The following MSH3 variants were observed in gnomAD, a reference collection of about 807,000 sequenced individuals.
The protein encoded by MSH3 is mutS homolog 3.
MSH3 carries 106 observed loss-of-function variants against 123.3 expected under a neutral mutation model. The observed-to-expected ratio is 0.86, with a 90% CI of 0.73 to 1.01. The LOEUF (loss-of-function observed/expected upper bound fraction) is 1.01. Among genes scored for constraint, MSH3 ranks in the 50% least tolerant of loss-of-function variants. The pLI is 0.00. For missense variants in MSH3, 1,459 were observed against 1,347.6 expected (o/e 1.08, Z -1.29); for synonymous variants, 515 against 481.4 (o/e 1.07, Z -0.91).
intron 12 of MSH3, among the ~76,000 whole-genome samples, chr5:80,751,604 C>T (rs1743841701): frequency 6.6e-6 from 1 of 152,130 alleles, no homozygotes; most frequent in Non-Finnish European, 1.5e-5. Flanking sequence ...TTGATCTCTG[C>T]CTTCATGGTT....
intron 11 of MSH3, among the ~76,000 whole-genome samples, chr5:80,742,003 C>CT (rs565490803): frequency 0.23 from 33,802 of 144,742 alleles, 4,039 homozygotes; most frequent in Non-Finnish European, 0.28. Context: ...TGCAAACTTT[C>CT]TTTTTTTTTT....
intron 20 of MSH3, among the ~76,000 whole-genome samples, chr5:80,842,592 G>T (rs930727139): frequency 6.6e-6 from 1 of 152,154 alleles, no homozygotes; most frequent in South Asian, 2.1e-4. Context: ...GTTGAGCAGC[G>T]GTTTGTAGTT....
intron 20 of MSH3, among the ~76,000 whole-genome samples, chr5:80,834,845 A>ATACC (rs1380740967): frequency 2.6e-5 from 4 of 152,142 alleles, no homozygotes; most frequent in Non-Finnish European, 4.4e-5. Flanking sequence ...AAACCCTATA[A>ATACC]TACCATGAGG....
At chr5:80,736,367 G>A (rs1216060764) in intron 10 of MSH3, among the ~76,000 whole-genome samples, 2 of 151,954 alleles carry the variant, frequency 1.3e-5, no homozygotes, top group Non-Finnish European at 2.9e-5. Context: ...TAAGACAGAA[G>A]TATAAAGAAA....
At chr5:80,662,084 AT>A (rs1404357359) in intron 2 of MSH3, among the ~76,000 whole-genome samples, 1 of 152,192 alleles carries the variant, frequency 6.6e-6, no homozygotes, top group Non-Finnish European at 1.5e-5. Context: ...TACAACATTA[AT>A]CTCATAAGAT....
At chr5:80,804,094 C>T (rs552212050) in intron 19 of MSH3, among the ~76,000 whole-genome samples, 9 of 152,234 alleles carry the variant, frequency 5.9e-5, no homozygotes, top group East Asian at 1.9e-4. Flanking sequence ...CTGTGAAGAA[C>T]GTCATTGGTC....
chr5:80,856,746 T>C (rs1236944942), intron 21 of MSH3, among the ~76,000 whole-genome samples: 2 of 152,226 alleles, frequency 1.3e-5, no homozygotes, highest in Non-Finnish European at 2.9e-5. Flanking sequence ...TTGACTTTTG[T>C]ACATTAACCT....
At chr5:80,799,655 T>C (rs1295174670) in intron 19 of MSH3, among the ~76,000 whole-genome samples, 1 of 152,028 alleles carries the variant, frequency 6.6e-6, no homozygotes, top group Non-Finnish European at 1.5e-5. Context: ...GTGTACTCAA[T>C]GATGAACACA....
At chr5:80,789,766 G>A (rs1005132248) in intron 18 of MSH3, among the ~76,000 whole-genome samples, 2 of 152,174 alleles carry the variant, frequency 1.3e-5, no homozygotes, top group East Asian at 1.9e-4. Context: ...ATTTATTGGT[G>A]TTATGAGTAA....
intron 16 of MSH3, among the ~76,000 whole-genome samples, chr5:80,776,951 A>G (rs1317064163): frequency 1.5e-5 from 2 of 136,240 alleles, no homozygotes; most frequent in African/African-American, 5.2e-5. Context: ...CTTTTTTTTA[A>G]GACAGAGTCT....
At chr5:80,743,344 C>T (rs1038622965) in intron 11 of MSH3, among the ~76,000 whole-genome samples, 1 of 152,110 alleles carries the variant, frequency 6.6e-6, no homozygotes, top group Non-Finnish European at 1.5e-5. Flanking sequence ...CTTCTCTGTG[C>T]TCTCTCCATT....
chr5:80,725,281 G>A (rs1461922302), intron 8 of MSH3, among the ~76,000 whole-genome samples, 172 bp from the exon 9 acceptor site: 3 of 149,070 alleles, frequency 2.0e-5, no homozygotes, highest in African/African-American at 4.9e-5. Flanking sequence ...TTATGAAATA[G>A]AGCATTTTGG....
intron 10 of MSH3, among the ~76,000 whole-genome samples, chr5:80,737,382 G>A (rs1271131845): frequency 6.6e-6 from 1 of 151,872 alleles, no homozygotes; most frequent in East Asian, 1.9e-4. Flanking sequence ...TCTCTGTCCA[G>A]CTTTTGACAA....
intron 8 of MSH3, among the ~76,000 whole-genome samples, chr5:80,723,579 G>C (rs867648950): frequency 6.6e-6 from 1 of 152,002 alleles, no homozygotes; most frequent in Non-Finnish European, 1.5e-5. Flanking sequence ...AATGTAAAAA[G>C]CACATGTATC....
intron 13 of MSH3, 62 bp downstream of exon 13, chr5:80,761,740 TAAAAG>T (rs1744039723): frequency 3.2e-6 from 5 of 1,585,058 alleles, no homozygotes; most frequent in Non-Finnish European, 4.3e-6. Context: ...CACTATATAT[TAAAAG>T]AAAACTTTTG....
intron 8 of MSH3, among the ~76,000 whole-genome samples, chr5:80,694,103 A>G (rs1398755534): frequency 6.6e-6 from 1 of 152,226 alleles, no homozygotes; most frequent in African/African-American, 2.4e-5. Context: ...AGATGGCATT[A>G]GACATCCTGG....
intron 20 of MSH3, among the ~76,000 whole-genome samples, chr5:80,843,730 T>G (rs1023737620): frequency 6.6e-6 from 1 of 152,188 alleles, no homozygotes; most frequent in Non-Finnish European, 1.5e-5. Flanking sequence ...AGTTTGTATT[T>G]CTGTGGGATC....
intron 8 of MSH3, among the ~76,000 whole-genome samples, chr5:80,691,913 GTATATGTTTATATAGATAAACA>G (rs1561444369): frequency 7.1e-5 from 9 of 127,028 alleles, no homozygotes; most frequent in African/African-American, 2.4e-4. Context: ...AGATAAACAT[GTATATGTTTATATAGATAAACA>G]TGTATATGTT....
chr5:80,692,691 TAA>T lies in MSH3; in HGVS notation c.1340+13600_1340+13601del, dbSNP rs1317340062. 2.1e-4 allele frequency among the ~76,000 whole-genome samples: 29 copies of T among 137,164 alleles called. 1 individual carries two copies. The highest frequency in any genetic ancestry group is 4.5e-4 in the African/African-American group (17 of 37,482). 90.0% of individuals were successfully genotyped at this position (137,164 alleles called of 152,430 possible). On this transcript the variant is annotated intron_variant, in intron 8 of 23. Coordinates refer to ENST00000265081, the MANE Select transcript of MSH3 (RefSeq NM_002439.5). ...ATGTATATGTTTATGTTTATATAGATAAATATACATACACATGTATATGTTTA... is the reference window on the plus strand; with the variant it reads ...ATGTATATGTTTATGTTTATATAGATATATACATACACATGTATATGTTTA...
Sources: gnomAD v4.1 joint callset for allele counts (sites outside exome capture counted in the v4.1 genomes callset) on GRCh38, gnomAD v4.1.1 for gene constraint, MANE v1.5 for transcripts, NCBI Gene and HGNC (gene_info 2026-07-23, HGNC 2026-07-21) for gene names.